FNBP1L: variants seen among roughly 807,000 people sequenced by gnomAD.
FNBP1L encodes formin-binding protein 1-like.
In FNBP1L, 36 loss-of-function variants were observed where a neutral mutation model predicts 91.2. That is an observed-to-expected ratio of 0.39 (90% CI 0.30 to 0.52). The LOEUF is 0.52. Among genes scored for constraint, FNBP1L ranks in the 20% least tolerant of loss-of-function variants. FNBP1L has a pLI of 0.66. For missense variants in FNBP1L, 571 were observed against 732.1 expected (o/e 0.78, Z 2.54); for synonymous variants, 242 against 237.0 (o/e 1.02, Z -0.19).
intron 1 of FNBP1L, among the ~76,000 whole-genome samples, chr1:93,483,392 C>T (rs1669785872): frequency 6.6e-6 from 1 of 152,110 alleles, no homozygotes; most frequent in South Asian, 2.1e-4. Flanking sequence ...CTCAGTGCCT[C>T]CCACCAGTAT....
intron 1 of FNBP1L, among the ~76,000 whole-genome samples, chr1:93,462,125 A>C (rs1201117719): frequency 6.6e-6 from 1 of 152,190 alleles, no homozygotes; most frequent in Non-Finnish European, 1.5e-5. Context: ...GAGTCATGAA[A>C]CAAAAGGCCA....
At chr1:93,474,281 C>CCTG (rs1251300763) in intron 1 of FNBP1L, among the ~76,000 whole-genome samples, 1 of 105,534 alleles carries the variant, frequency 9.5e-6, no homozygotes, top group Non-Finnish European at 2.4e-5. Flanking sequence ...TCACTTCCAT[C>CCTG]CTACTTCAGG....
At chr1:93,477,787 A>C (rs1399428122) in intron 1 of FNBP1L, among the ~76,000 whole-genome samples, 5 of 152,256 alleles carry the variant, frequency 3.3e-5, no homozygotes, top group African/African-American at 1.2e-4. Context: ...CAGATGTCCT[A>C]CTATAACCAT....
intron 1 of FNBP1L, among the ~76,000 whole-genome samples, chr1:93,449,284 G>A (rs1232143383): frequency 6.6e-6 from 1 of 150,652 alleles, no homozygotes; most frequent in Non-Finnish European, 1.5e-5. Context: ...CAGGTGCGGA[G>A]GGCAGTGATT....
chr1:93,490,830 T>A (rs900713548), intron 1 of FNBP1L, among the ~76,000 whole-genome samples: 1 of 152,234 alleles, frequency 6.6e-6, no homozygotes, highest in Non-Finnish European at 1.5e-5. Flanking sequence ...AAGTATTTGC[T>A]GATGTGGAGC....
chr1:93,554,314 C>G lies in FNBP1L; in HGVS notation c.*1898C>G, dbSNP rs1410712623. 2.0e-5 allele frequency: 3 copies of G among 152,784 alleles called. No individual in the cohort carries two copies. The highest frequency in any genetic ancestry group is 4.4e-5 in the Non-Finnish European group (3 of 68,040). The allele number at this position is 152,784 out of a possible 1,614,324, so 9.5% of individuals were successfully genotyped here. A position where few individuals can be genotyped will look rare whatever the true frequency, so the allele number is the denominator to read the frequency against. On this transcript the variant is annotated 3_prime_UTR_variant, in exon 17 of 17. Transcript: ENST00000271234. ...CTTATGGTTTTTTGGCTAACAGCCA[C>G]AGAGGGCAAAGTTTAAGACTTTCTT...
At chr1:93,549,573 A>G in intron 15 of FNBP1L, 147 bp downstream of exon 15, 2 of 656,190 alleles carry the variant, frequency 3.0e-6, no homozygotes, top group Non-Finnish European at 4.8e-6. Flanking sequence ...TACTTTTGTT[A>G]TAACTGTATT....
At chr1:93,451,285 G>A (rs1030696830) in intron 1 of FNBP1L, among the ~76,000 whole-genome samples, 3 of 152,114 alleles carry the variant, frequency 2.0e-5, no homozygotes, top group Admixed American at 6.6e-5. Context: ...AACAGATAGG[G>A]ACATTAGAGA....
chr1:93,539,860 T>G (rs1465605153), intron 10 of FNBP1L, among the ~76,000 whole-genome samples: 3 of 152,180 alleles, frequency 2.0e-5, no homozygotes, highest in Admixed American at 6.5e-5. Flanking sequence ...TCATCAGAGA[T>G]AAGGGGTAGA....
chr1:93,501,928 C>T (rs1264254208), intron 2 of FNBP1L, among the ~76,000 whole-genome samples: 1 of 149,308 alleles, frequency 6.7e-6, no homozygotes, highest in Admixed American at 6.7e-5. Context: ...GGTGTTTGCA[C>T]AAAACTCTTC....
At chr1:93,502,309 A>C (rs1399292392) in intron 2 of FNBP1L, among the ~76,000 whole-genome samples, 1 of 152,204 alleles carries the variant, frequency 6.6e-6, no homozygotes, top group Non-Finnish European at 1.5e-5. Flanking sequence ...ATGATTGTGT[A>C]TTACTTTTGT....
intron 3 of FNBP1L, 122 bp downstream of exon 3, chr1:93,522,257 T>C: frequency 2.4e-6 from 1 of 412,514 alleles, no homozygotes; most frequent in East Asian, 5.6e-5. Context: ...ATTTAAAAAT[T>C]AATGTTTATG....
chr1:93,462,811 C>A (rs1438732668), intron 1 of FNBP1L, among the ~76,000 whole-genome samples: 1 of 152,070 alleles, frequency 6.6e-6, no homozygotes, highest in Non-Finnish European at 1.5e-5. Flanking sequence ...GATTTTTCCA[C>A]TGTATTTTTT....
chr1:93,552,329 G>A lies in FNBP1L; in HGVS notation c.1811-80G>A, dbSNP rs572301487. The A allele has an allele frequency of 1.2e-5, 18 of 1,525,950 alleles. No individual in the cohort carries two copies. In the African/African-American group the frequency reaches 2.1e-4, roughly 18 times the overall value. The allele number at this position is 1,525,950 out of a possible 1,614,324, so 94.5% of individuals were successfully genotyped here. A position where few individuals can be genotyped will look rare whatever the true frequency, so the allele number is the denominator to read the frequency against. ...AAAATGATAGAGACATTTGGGACAG[G>A]CACTTTAAACTGAACACCCCTTTTG... On this transcript the variant is annotated intron_variant, in intron 16 of 16. Transcript: ENST00000271234.
chr1:93,494,897 C>T (rs961019404), intron 1 of FNBP1L, among the ~76,000 whole-genome samples: 2 of 152,130 alleles, frequency 1.3e-5, no homozygotes, highest in African/African-American at 4.8e-5. Context: ...CAGGGGAACT[C>T]CCCTTTATAA....
At chr1:93,490,136 A>G (rs1670046042) in intron 1 of FNBP1L, among the ~76,000 whole-genome samples, 1 of 150,652 alleles carries the variant, frequency 6.6e-6, no homozygotes, top group Admixed American at 6.7e-5. Flanking sequence ...TTGAATATTA[A>G]ATAGTGACTT....
At chr1:93,516,235 G>A (rs1253385517) in intron 2 of FNBP1L, among the ~76,000 whole-genome samples, 1 of 152,128 alleles carries the variant, frequency 6.6e-6, no homozygotes, top group Non-Finnish European at 1.5e-5. Context: ...CACTGTGGCT[G>A]GCAGTATCTA....
At chr1:93,538,763 G>T (rs1671929008) in intron 10 of FNBP1L, among the ~76,000 whole-genome samples, 1 of 152,048 alleles carries the variant, frequency 6.6e-6, no homozygotes, top group Non-Finnish European at 1.5e-5. Context: ...TAAAACTGAT[G>T]AGTTGTACCA....
chr1:93,478,349 C>G (rs1669569425), intron 1 of FNBP1L, among the ~76,000 whole-genome samples: 1 of 152,144 alleles, frequency 6.6e-6, no homozygotes, highest in Non-Finnish European at 1.5e-5. Context: ...GGATGGCAGA[C>G]TCAGTGTAGG....
Sources: allele counts gnomAD v4.1 joint callset (sites outside exome capture counted in the v4.1 genomes callset), GRCh38; gene constraint gnomAD v4.1.1; transcripts MANE v1.5; gene names NCBI Gene and HGNC (gene_info 2026-07-23, HGNC 2026-07-21).